PANX1: variants seen among roughly 807,000 people sequenced by gnomAD.
The protein encoded by PANX1 is pannexin-1.
PANX1 carries 30 observed loss-of-function variants against 38.7 expected under a neutral mutation model. The observed-to-expected ratio is 0.78, with a 90% CI of 0.58 to 1.05. PANX1 has a LOEUF of 1.05. Among genes scored for constraint, PANX1 ranks in the 50% least tolerant of loss-of-function variants. The pLI, the probability that PANX1 is intolerant of heterozygous loss-of-function variation, is 0.00. For synonymous variants in PANX1, 230 were observed against 212.2 expected, an observed-to-expected ratio of 1.08 and a Z score of -0.73; for missense variants, 551 against 517.2, an observed-to-expected ratio of 1.07 and a Z score of -0.63.
chr11:94,163,562 C>G (rs1447142404), intron 2 of PANX1, among the ~76,000 whole-genome samples: 1 of 152,152 alleles, frequency 6.6e-6, no homozygotes, highest in African/African-American at 2.4e-5. Context: ...CCTTGCATCC[C>G]TAAGATAAAT....
At chr11:94,162,262 T>G (rs1947050527) in intron 2 of PANX1, among the ~76,000 whole-genome samples, 1 of 152,222 alleles carries the variant, frequency 6.6e-6, no homozygotes, top group African/African-American at 2.4e-5. Context: ...ACAGGGACAT[T>G]TAAGTCTGCA....
Position 94,129,286 on chromosome 11 carries a change from C to T in PANX1, c.-27C>T, listed in dbSNP as rs1010811806. The T allele has an allele frequency of 6.3e-6, 10 of 1,586,832 alleles. No individual in the cohort carries two copies. The highest frequency in any genetic ancestry group is 1.3e-5 in the African/African-American group (1 of 74,326). The stretch of plus-strand genomic sequence containing the variant: ...CCCGACGCCGGCTGTACCCGGACCT[C>T]CTGGTCGAGCCTGGCGCGCCGCAGC... On this transcript the variant is annotated 5_prime_UTR_variant, in exon 1 of 5. Coordinates refer to ENST00000227638, the MANE Select transcript of PANX1 (RefSeq NM_015368.4).
At chr11:94,131,976 G>A (rs752069989) in intron 1 of PANX1, among the ~76,000 whole-genome samples, 101 of 152,318 alleles carry the variant, frequency 6.6e-4, no homozygotes, top group Non-Finnish European at 1.3e-3. Context: ...AAGGCCTGCA[G>A]ACTTAAAACA....
chr11:94,148,953 G>T (rs1946854747), intron 1 of PANX1, among the ~76,000 whole-genome samples: 1 of 152,004 alleles, frequency 6.6e-6, no homozygotes, highest in Non-Finnish European at 1.5e-5. Context: ...AAGGTAGAGA[G>T]AGCTGAGTTG....
At chr11:94,177,375 G>A (rs561209016) in intron 2 of PANX1, among the ~76,000 whole-genome samples, 4 of 151,496 alleles carry the variant, frequency 2.6e-5, no homozygotes, top group South Asian at 2.1e-4. Context: ...AGAAGATCAC[G>A]CAAAAGGATA....
Position 94,177,485 on chromosome 11 carries a change from C to T in PANX1, c.322-884C>T, listed in dbSNP as rs564543005. ...TCATTGCAGATCACATGGTCACTGT[C>T]GCAGCTACTTAGTTCTGCAGAGTAG... On this transcript the variant is annotated intron_variant, in intron 2 of 4. Coordinates refer to ENST00000227638, the MANE Select transcript of PANX1 (RefSeq NM_015368.4). Among the ~76,000 whole-genome samples, 5 of 152,206 alleles carry T rather than the reference C, an allele frequency of 3.3e-5. No individual in the cohort carries two copies. In the South Asian group the frequency reaches 6.3e-4, roughly 19 times the overall value.
intron 2 of PANX1, among the ~76,000 whole-genome samples, chr11:94,177,916 CAT>C (rs1008287757): frequency 4.6e-5 from 7 of 151,834 alleles, no homozygotes; most frequent in African/African-American, 1.7e-4. Flanking sequence ...GGGGAAGTTA[CAT>C]GTTTCTTTGG....
intron 1 of PANX1, among the ~76,000 whole-genome samples, chr11:94,148,087 A>G (rs1414760433): frequency 6.6e-6 from 1 of 152,134 alleles, no homozygotes; most frequent in Non-Finnish European, 1.5e-5. Context: ...TTTCAATTCC[A>G]TTTTTTAGTT....
rs545619420 is a variant in PANX1, at chr11:94,130,767, G to T, written c.181+1274G>T. 1.2e-4 allele frequency among the ~76,000 whole-genome samples: 18 copies of T among 152,280 alleles called. No homozygotes were observed. The South Asian group carries it at 3.7e-3, about 32-fold the overall frequency. ...ATGAACGGCAGTACTGGTCAAACGT[G>T]CTGCGGAGGTTGTATGTCTGGGTGA... On this transcript the variant is annotated intron_variant, in intron 1 of 4. Transcript: ENST00000227638.
At chr11:94,138,164 A>T (rs1946723222) in intron 1 of PANX1, among the ~76,000 whole-genome samples, 1 of 152,088 alleles carries the variant, frequency 6.6e-6, no homozygotes, top group Non-Finnish European at 1.5e-5. Context: ...CCCCCAATGG[A>T]TACTTCTCCC....
At chr11:94,156,876 C>G (rs923797573) in intron 2 of PANX1, among the ~76,000 whole-genome samples, 3 of 151,670 alleles carry the variant, frequency 2.0e-5, no homozygotes, top group Non-Finnish European at 4.4e-5. Flanking sequence ...TCCCTCCCCA[C>G]TCCCCCCACC....
In PANX1 at chr11:94,167,003, G is replaced by A. The variant is rs139912798; in HGVS notation, c.322-11366G>A. ...TTGGGGCCCTAAGTCACTTTAGTCAGTTGGTGGTGAAGCCAGCAGGAGTCA... is the reference window on the plus strand; with the variant it reads ...TTGGGGCCCTAAGTCACTTTAGTCAATTGGTGGTGAAGCCAGCAGGAGTCA... On this transcript the variant is annotated intron_variant, in intron 2 of 4. Coordinates refer to ENST00000227638, the MANE Select transcript of PANX1 (RefSeq NM_015368.4). 2.5e-3 allele frequency among the ~76,000 whole-genome samples: 386 copies of A among 152,236 alleles called. 2 individuals are homozygous for A. The highest frequency in any genetic ancestry group is 8.2e-3 in the African/African-American group (342 of 41,536).
In PANX1 at chr11:94,151,662, C is replaced by T. The variant is rs187922919; in HGVS notation, c.182-1829C>T. Among the ~76,000 whole-genome samples the T allele has an allele frequency of 5.3e-5, 8 of 152,284 alleles. No homozygotes were observed. In the East Asian group the frequency reaches 1.5e-3, roughly 29 times the overall value. ...ATGCGGGAACCGTGTGAGCTTAGTG[C>T]CAAGTCCTGTGCTGTCCCGACTACT... On this transcript the variant is annotated intron_variant, in intron 1 of 4. Transcript: ENST00000227638.
intron 1 of PANX1, among the ~76,000 whole-genome samples, chr11:94,148,533 A>G (rs1946851045): frequency 6.6e-6 from 1 of 152,144 alleles, no homozygotes; most frequent in African/African-American, 2.4e-5. Flanking sequence ...TATACCACAC[A>G]TTCAGGGTCC....
At chr11:94,152,258 GTTTTGTT>G (rs1447549875) in intron 1 of PANX1, among the ~76,000 whole-genome samples, 2 of 152,132 alleles carry the variant, frequency 1.3e-5, no homozygotes, top group Admixed American at 6.5e-5. Flanking sequence ...GCTGCAGCAA[GTTTTGTT>G]TTTTGTTTTT....
At position 94,129,193 on chromosome 11, in the gene PANX1, G is replaced by A. The variant is rs984115843; in HGVS notation, c.-120G>A. The A allele has an allele frequency of 1.5e-5, 11 of 731,620 alleles. No individual in the cohort carries two copies. Among genetic ancestry groups the A allele is most frequent in the Admixed American group, 3.1e-5 (1 of 32,348 alleles). 45.3% of individuals were successfully genotyped at this position (731,620 alleles called of 1,614,324 possible). A position where few individuals can be genotyped will look rare whatever the true frequency, so the allele number is the denominator to read the frequency against. Reference sequence around the variant, plus strand: ...AGACACAAAGGCAGGCGGGATGCGGGAGCAGGCAAAGGGAAAGCGAAAGCC... The same window carrying A: ...AGACACAAAGGCAGGCGGGATGCGGAAGCAGGCAAAGGGAAAGCGAAAGCC... On this transcript the variant is annotated 5_prime_UTR_variant, in exon 1 of 5. Transcript: ENST00000227638.
At chr11:94,153,727 C>A in intron 2 of PANX1, 97 bp downstream of exon 2, 3 of 1,100,720 alleles carry the variant, frequency 2.7e-6, no homozygotes, top group Admixed American at 2.5e-5. Context: ...GATATTGTAG[C>A]CAACCAGTGC....
chr11:94,133,832 TCCATAGGAATTTAGTGAAGG>T (rs1355105400), intron 1 of PANX1, among the ~76,000 whole-genome samples: 1 of 152,172 alleles, frequency 6.6e-6, no homozygotes, highest in Non-Finnish European at 1.5e-5. Context: ...CAACAAGTGC[TCCATAGGAATTTAGTGAAGG>T]AAGTGCCAGA....
chr11:94,137,769 A>G (rs1038733495), intron 1 of PANX1, among the ~76,000 whole-genome samples: 3 of 146,116 alleles, frequency 2.1e-5, no homozygotes, highest in Admixed American at 1.4e-4. Context: ...TATGTATATT[A>G]TATCATTATA....
Sources: gnomAD v4.1 joint callset for allele counts (sites outside exome capture counted in the v4.1 genomes callset) on GRCh38, gnomAD v4.1.1 for gene constraint, MANE v1.5 for transcripts, NCBI Gene and HGNC (gene_info 2026-07-23, HGNC 2026-07-21) for gene names.